The following C19orf81 variants were observed in gnomAD, a reference collection of about 807,000 sequenced individuals.
C19orf81 encodes putative uncharacterized protein C19orf81.
In C19orf81, 19 loss-of-function variants were observed where a neutral mutation model predicts 22.1. The ratio of observed to expected loss-of-function variants is 0.86; its 90% CI spans 0.60 to 1.26. C19orf81 has a LOEUF of 1.26. Among genes scored for constraint, C19orf81 ranks in the 50% most tolerant of loss-of-function variants. The pLI is 0.00. For synonymous variants in C19orf81, 108 were observed against 113.1 expected, an observed-to-expected ratio of 0.95 and a Z score of 0.29; for missense variants, 287 against 280.7, an observed-to-expected ratio of 1.02 and a Z score of -0.16.
chr19:50,658,026 C>G lies in C19orf81; in HGVS notation c.299C>G (p.Ala100Gly). The G allele has an allele frequency of 1.3e-6, 2 of 1,535,730 alleles. No individual in the cohort carries two copies. The highest frequency in any genetic ancestry group is 1.7e-6 in the Non-Finnish European group (2 of 1,146,736). The change falls in exon 4 of 5, where the codon GCC becomes GGC. Residue 100 changes from alanine (A) to glycine (G), a missense_variant. Physicochemically the swap from Ala to Gly is moderately conservative, Grantham distance 60. Coordinates refer to ENST00000425202, the MANE Select transcript of C19orf81 (RefSeq NM_001195076.2). ...EDFTHLEVLQALEAQLPGAME... is the reference protein window; with the variant it reads ...EDFTHLEVLQGLEAQLPGAME... ...TTTACCCACCTGGAGGTGCTGCAAG[C>G]CCTGGAGGCCCAGTTACCAGGGGCC...
At chr19:50,658,681 G>A in intron 4 of C19orf81, 1 of 375,538 alleles carries the variant, frequency 2.7e-6, no homozygotes, top group Non-Finnish European at 4.7e-6. Flanking sequence ...GCCTGCAGTC[G>A]CCAGTGGAGG....
At chr19:50,656,949 CA>C (rs60253232) in intron 3 of C19orf81, among the ~76,000 whole-genome samples, 21,732 of 104,106 alleles carry the variant, frequency 0.21, 1,971 homozygotes, top group East Asian at 0.37. Context: ...GAGACTCTGT[CA>C]AAAAAAAAAG....
chr19:50,652,523 C>T (rs1238072460), intron 1 of C19orf81, among the ~76,000 whole-genome samples: 3 of 152,166 alleles, frequency 2.0e-5, no homozygotes, highest in Admixed American at 1.3e-4. Flanking sequence ...GAGATCCACG[C>T]AGAGTTACAG....
chr19:50,659,110 G>T lies in C19orf81; in HGVS notation c.565G>T (p.Ala189Ser). The change falls in exon 5 of 5, where the codon GCC becomes TCC. Residue 189 changes from alanine (A) to serine (S), a missense_variant. By Grantham distance (99) the Ala-to-Ser change is moderately conservative (BLOSUM62 1). Coordinates refer to ENST00000425202, the MANE Select transcript of C19orf81 (RefSeq NM_001195076.2). ...RSLVRRRMLE[A>S]LGAEPNEEA ...CCTGGTCCGGCGGCGCATGCTCGAG[G>T]CCCTGGGGGCGGAGCCGAACGAGGA... 6.8e-7 allele frequency: 1 copy of T among 1,468,128 alleles called. No homozygotes were observed. Among genetic ancestry groups the T allele is most frequent in the South Asian group, 1.3e-5 (1 of 76,548 alleles). 90.9% of individuals were successfully genotyped at this position (1,468,128 alleles called of 1,614,324 possible). A position where few individuals can be genotyped will look rare whatever the true frequency, so the allele number is the denominator to read the frequency against.
At position 50,658,089 on chromosome 19, in the gene C19orf81, A is replaced by T; in HGVS notation, c.362A>T (p.Asn121Ile). The T allele has an allele frequency of 1.3e-6, 2 of 1,535,774 alleles. No homozygotes were observed. Among genetic ancestry groups the T allele is most frequent in the African/African-American group, 1.4e-5 (1 of 73,150 alleles). The change falls in exon 4 of 5, where the codon AAC becomes ATC. Residue 121 changes from asparagine (N) to isoleucine (I), a missense_variant. Coordinates refer to ENST00000425202, the MANE Select transcript of C19orf81 (RefSeq NM_001195076.2). ...CGCGTGAGCAGCATCCGCTTTGAGA[A>T]CATGAACGTCATCTGTGGGACTGCT... The part of the protein sequence containing the change: ...SGRVSSIRFE[N>I]MNVICGTAGR...
intron 3 of C19orf81, among the ~76,000 whole-genome samples, chr19:50,657,561 A>T (rs1179307214): frequency 6.6e-6 from 1 of 152,232 alleles, no homozygotes; most frequent in African/African-American, 2.4e-5. Flanking sequence ...ACTACTGAAC[A>T]TTCTTAAAAT....
intron 3 of C19orf81, among the ~76,000 whole-genome samples, chr19:50,656,613 T>G (rs1410027742): frequency 1.3e-5 from 2 of 152,016 alleles, no homozygotes; most frequent in Non-Finnish European, 2.9e-5. Flanking sequence ...GGAGTCCTAC[T>G]AATCCACTTC....
intron 1 of C19orf81, among the ~76,000 whole-genome samples, chr19:50,651,163 G>A (rs532114404): frequency 2.6e-5 from 4 of 152,286 alleles, no homozygotes; most frequent in South Asian, 4.1e-4. Flanking sequence ...GAGAGGAGAC[G>A]TGAAACACGC....
In C19orf81 at chr19:50,659,140, T is replaced by C. The variant is rs898203923; in HGVS notation, c.595T>C (p.Ter199ArgextTer?). The change falls in exon 5 of 5, where the codon TGA (stop) becomes CGA (arginine). Residue 199 changes from the stop codon to arginine (R), a stop_lost. Coordinates refer to ENST00000425202, the MANE Select transcript of C19orf81 (RefSeq NM_001195076.2). ...ALGAEPNEEA[*>R] ...GGGGGCGGAGCCGAACGAGGAGGCCTGACGCCCGGGCGGGCCCCGGCAGCG... is the reference window on the plus strand; with the variant it reads ...GGGGGCGGAGCCGAACGAGGAGGCCCGACGCCCGGGCGGGCCCCGGCAGCG... 8.5e-5 allele frequency: 114 copies of C among 1,346,908 alleles called. No homozygotes were observed. Among genetic ancestry groups the C allele is most frequent in the Non-Finnish European group, 1.0e-4 (109 of 1,050,970 alleles). The allele number at this position is 1,346,908 out of a possible 1,614,324, so 83.4% of individuals were successfully genotyped here. A position where few individuals can be genotyped will look rare whatever the true frequency, so the allele number is the denominator to read the frequency against.
intron 4 of C19orf81, chr19:50,658,652 G>C (rs770239255): frequency 8.7e-6 from 3 of 345,026 alleles, no homozygotes; most frequent in Non-Finnish European, 1.6e-5. Flanking sequence ...CAGGCCTGGA[G>C]TGCCTAGGGT....
intron 1 of C19orf81, among the ~76,000 whole-genome samples, chr19:50,651,280 C>CA (rs1396742049): frequency 2.0e-5 from 3 of 152,156 alleles, no homozygotes; most frequent in Non-Finnish European, 4.4e-5. Flanking sequence ...CTCTTTTGCT[C>CA]AAAAACCTTG....
At chr19:50,651,069 T>C (rs1013259843) in intron 1 of C19orf81, among the ~76,000 whole-genome samples, 3 of 152,244 alleles carry the variant, frequency 2.0e-5, no homozygotes, top group Admixed American at 6.5e-5. Context: ...AACTTCAGCA[T>C]AGGCCATTAG....
intron 1 of C19orf81, among the ~76,000 whole-genome samples, chr19:50,654,247 C>T (rs1984943637): frequency 6.6e-6 from 1 of 152,058 alleles, no homozygotes; most frequent in Non-Finnish European, 1.5e-5. Flanking sequence ...TTCTCCCTTG[C>T]TCCTTTCCTC....
rs1157785829 is a variant in C19orf81, at chr19:50,658,077, T to A, written c.350T>A (p.Ile117Asn). 6.5e-7 allele frequency: 1 copy of A among 1,535,920 alleles called. No individual in the cohort carries two copies. The highest frequency in any genetic ancestry group is 8.7e-7 in the Non-Finnish European group (1 of 1,146,828). ...GAMESGRVSS[I>N]RFENMNVICG... ...ATGGAGAGCGGGCGCGTGAGCAGCA[T>A]CCGCTTTGAGAACATGAACGTCATC... Residue 117 changes from isoleucine (I) to asparagine (N), a missense_variant, in exon 4 of 5, where the codon ATC becomes AAC. By Grantham distance (149) the Ile-to-Asn change is moderately radical (BLOSUM62 -3). Coordinates refer to ENST00000425202, the MANE Select transcript of C19orf81 (RefSeq NM_001195076.2).
chr19:50,649,487 A>G lies in C19orf81; in HGVS notation c.43A>G (p.Ser15Gly). Residue 15 changes from serine (S) to glycine (G), a missense_variant, in exon 1 of 5, where the codon AGC becomes GGC. Transcript: ENST00000425202. ...VEPVCFPAMG[S>G]PTMHRKAGAL... ...GCCCGTGTGCTTCCCTGCCATGGGC[A>G]GCCCCACCATGCACAGGAAGGCAGG... is the stretch of plus-strand genomic sequence containing the variant. The G allele has an allele frequency of 6.5e-7, 1 of 1,536,242 alleles. No homozygotes were observed. The highest frequency in any genetic ancestry group is 8.7e-7 in the Non-Finnish European group (1 of 1,146,854).
rs930355655 is a variant in C19orf81 at position 50,649,629 on chromosome 19, C to A, written c.67+118C>A. ...ACTGGCACTCCAAAGTGAAAGCCATCCCTAGCATTCCTGGATTCACCAGAT... is the reference window on the plus strand; with the variant it reads ...ACTGGCACTCCAAAGTGAAAGCCATACCTAGCATTCCTGGATTCACCAGAT... On this transcript the variant is annotated intron_variant, in intron 1 of 4. Transcript: ENST00000425202. 12 of 1,115,242 alleles carry A rather than the reference C, an allele frequency of 1.1e-5. No homozygotes were observed. In the African/African-American group the frequency reaches 1.2e-4, roughly 11 times the overall value. 69.1% of individuals were successfully genotyped at this position (1,115,242 alleles called of 1,614,324 possible). A position where few individuals can be genotyped will look rare whatever the true frequency, so the allele number is the denominator to read the frequency against.
At chr19:50,654,101 C>T (rs985172283) in intron 1 of C19orf81, among the ~76,000 whole-genome samples, 5 of 151,914 alleles carry the variant, frequency 3.3e-5, no homozygotes, top group African/African-American at 7.2e-5. Flanking sequence ...GTTGGTGTTA[C>T]GGGAAATGTT....
chr19:50,653,396 T>G lies in C19orf81; in HGVS notation c.68-2654T>G, dbSNP rs372803385. ...TATAAAAGGGACAGTAAGCACATAG[T>G]TATATTGTTAAGTGGACAGACTTGA... On this transcript the variant is annotated intron_variant, in intron 1 of 4. Transcript: ENST00000425202. Among the ~76,000 whole-genome samples, 38 of 152,112 alleles carry G rather than the reference T, an allele frequency of 2.5e-4. 1 individual carries two copies. The East Asian group carries it at 7.2e-3, about 29-fold the overall frequency.
intron 1 of C19orf81, among the ~76,000 whole-genome samples, chr19:50,654,804 T>TC (rs958583153): frequency 7.3e-6 from 1 of 136,060 alleles, no homozygotes; most frequent in African/African-American, 2.9e-5. Flanking sequence ...TAATTAAAAA[T>TC]TTTTTTTTGT....
Sources: gnomAD v4.1 joint callset for allele counts (sites outside exome capture counted in the v4.1 genomes callset) on GRCh38, gnomAD v4.1.1 for gene constraint, MANE v1.5 for transcripts, NCBI Gene and HGNC (gene_info 2026-07-23, HGNC 2026-07-21) for gene names.